Variants in PHF19 observed in about 807,000 individuals in gnomAD.
PHF19 encodes the protein polycomb like 3.
In PHF19, 21 loss-of-function variants were observed where a neutral mutation model predicts 79.8. The ratio of observed to expected loss-of-function variants is 0.26; its 90% confidence interval spans 0.19 to 0.38. The LOEUF is 0.38. PHF19 is among the 10% of genes least tolerant of loss of function. PHF19 has a pLI of 1.00. For missense variants in PHF19, 445 were observed against 744.2 expected, an observed-to-expected ratio of 0.60 and a Z score of 4.68; for synonymous variants, 273 against 296.3, an observed-to-expected ratio of 0.92 and a Z score of 0.81.
At chr9:120,894,335 G>C (rs1456245929) in intron 1 of PHF19, among the ~76,000 whole-genome samples, 1 of 152,234 alleles carries the variant, frequency 6.6e-6, no homozygotes, top group Non-Finnish European at 1.5e-5. Flanking sequence ...AGGGAAAGCT[G>C]ATCTGAAACT....
intron 1 of PHF19, among the ~76,000 whole-genome samples, chr9:120,888,458 C>G (rs1333663151): frequency 1.3e-5 from 2 of 152,182 alleles, no homozygotes; most frequent in Non-Finnish European, 2.9e-5. Context: ...CTGGGTCTAT[C>G]TGCTGTGATA....
rs2045624005 is a variant in PHF19, at chr9:120,864,122, G to A, written c.901-6C>T. Reference sequence around the variant, plus strand: ...GTCACTGGGGTGCTGGTGAGCTGTGGGAGAGCAGGCCAGCAGGACATCAGA... The same window carrying A: ...GTCACTGGGGTGCTGGTGAGCTGTGAGAGAGCAGGCCAGCAGGACATCAGA... On this transcript the variant is annotated splice_polypyrimidine_tract_variant and splice_region_variant and intron_variant, in intron 9 of 14. Coordinates refer to ENST00000373896, the MANE Select transcript of PHF19 (RefSeq NM_015651.3). The A allele has an allele frequency of 6.2e-7, 1 of 1,613,398 alleles. No homozygotes were observed. Among genetic ancestry groups the A allele is most frequent in the Non-Finnish European group, 8.5e-7 (1 of 1,179,586 alleles).
chr9:120,869,043 C>A lies in PHF19; in HGVS notation c.614+139G>T, dbSNP rs2045805401. Reference sequence around the variant, plus strand: ...AGGCCCGCCCCTCGAGGCCCCGCCCCCACAGCGCAACACACTGGGCCCGCC... The same window carrying A: ...AGGCCCGCCCCTCGAGGCCCCGCCCACACAGCGCAACACACTGGGCCCGCC... On this transcript the variant is annotated intron_variant, in intron 6 of 14. Transcript: ENST00000373896. This position sits in a 1 kb window ranked among gnomAD's most constrained non-coding sequence, Gnocchi z 5.8. 1.1e-6 allele frequency: 1 copy of A among 946,854 alleles called. No individual in the cohort carries two copies. Among genetic ancestry groups the A allele is most frequent in the Non-Finnish European group, 1.4e-6 (1 of 694,634 alleles). The allele number at this position is 946,854 out of a possible 1,614,324, so 58.7% of individuals were successfully genotyped here.
At position 120,857,023 on chromosome 9, in the gene PHF19, G is replaced by C. The variant is rs576190256; in HGVS notation, c.*921C>G. The stretch of plus-strand genomic sequence containing the variant: ...GCTGAAAGTACAACACATGTGGATG[G>C]AAGCTTGTGCGAGTGGGTGTGTATT... On this transcript the variant is annotated 3_prime_UTR_variant, in exon 15 of 15. Coordinates refer to ENST00000373896, the MANE Select transcript of PHF19 (RefSeq NM_015651.3). 2.0e-5 allele frequency: 3 copies of C among 152,856 alleles called. No homozygotes were observed. Among genetic ancestry groups the C allele is most frequent in the Non-Finnish European group, 4.4e-5 (3 of 68,346 alleles). 9.5% of individuals were successfully genotyped at this position (152,856 alleles called of 1,614,324 possible). A position where few individuals can be genotyped will look rare whatever the true frequency, so the allele number is the denominator to read the frequency against.
chr9:120,865,770 A>G lies in PHF19; in HGVS notation c.840T>C (p.Phe280=). Residue 280 remains phenylalanine, a synonymous_variant, in exon 9 of 15, where the codon TTT becomes TTC. Coordinates refer to ENST00000373896, the MANE Select transcript of PHF19 (RefSeq NM_015651.3). Reference sequence around the variant, plus strand: ...CAAAGGCCAGAATCTCCTCAAAGTCAAAGTACTTCTTCTTGCTCTGTACCC... The same window carrying G: ...CAAAGGCCAGAATCTCCTCAAAGTCGAAGTACTTCTTCTTGCTCTGTACCC... ...NLGVQSKKKY[F]DFEEILAFVN... 6.2e-7 allele frequency: 1 copy of G among 1,614,148 alleles called. No homozygotes were observed. Among genetic ancestry groups the G allele is most frequent in the East Asian group, 2.2e-5 (1 of 44,888 alleles).
chr9:120,866,050 T>C lies in PHF19; in HGVS notation c.757A>G (p.Ile253Val). 4 of 1,613,890 alleles carry C rather than the reference T, an allele frequency of 2.5e-6. No homozygotes were observed. Among genetic ancestry groups the C allele is most frequent in the Non-Finnish European group, 3.4e-6 (4 of 1,179,894 alleles). The change falls in exon 8 of 15, where the codon ATC becomes GTC. Residue 253 changes from isoleucine (I) to valine (V), a missense_variant. This residue lies in a region of PHF19 where 167 missense variants were observed against 375.8 expected (regional missense o/e 0.44). Transcript: ENST00000373896. The surrounding 1 kb of genome is among the most constrained non-coding windows in gnomAD (Gnocchi z 5.2). ...CSVCNQGPEY[I>V]ERLPLRWVDV... ...CACCATCGCAGGGGCAGCCTCTCGA[T>C]GTACTCTGGGCCCTGGTTACACACG... is the stretch of plus-strand genomic sequence containing the variant.
In PHF19 at chr9:120,869,965, G is replaced by A. The variant is rs769219535; in HGVS notation, c.365-20C>T. On this transcript the variant is annotated intron_variant, in intron 4 of 14. Transcript: ENST00000373896. This position sits in a 1 kb window ranked among gnomAD's most constrained non-coding sequence, Gnocchi z 5.8. ...GGTAACCTACGGCAGAGGAGGGGGC[G>A]GTGAGCGCCCACAAGGACATCGTGG... The A allele has an allele frequency of 4.5e-6, 7 of 1,555,966 alleles. No individual in the cohort carries two copies. The highest frequency in any genetic ancestry group is 2.4e-5 in the East Asian group (1 of 41,884).
chr9:120,883,843 T>C (rs1243924637), intron 1 of PHF19, among the ~76,000 whole-genome samples: 1 of 151,182 alleles, frequency 6.6e-6, no homozygotes, highest in Non-Finnish European at 1.5e-5. Flanking sequence ...TGATAGATAA[T>C]TGTGGGAGGG....
At chr9:120,865,152 C>T (rs1376457977) in intron 9 of PHF19, among the ~76,000 whole-genome samples, 1 of 152,082 alleles carries the variant, frequency 6.6e-6, no homozygotes, top group Non-Finnish European at 1.5e-5. Flanking sequence ...AGAGAAGATG[C>T]CTCACTCTGT....
At chr9:120,889,555 A>G (rs1012361119) in intron 1 of PHF19, among the ~76,000 whole-genome samples, 1 of 152,016 alleles carries the variant, frequency 6.6e-6, no homozygotes, top group African/African-American at 2.4e-5. Context: ...AGCCTGGGCC[A>G]CATGGCGAAA....
upstream of PHF19, among the ~76,000 whole-genome samples, chr9:120,880,710 A>C (rs57574920): frequency 0.01 from 1,561 of 152,364 alleles, 23 homozygotes; most frequent in African/African-American, 0.036. Flanking sequence ...TCTGTATTCC[A>C]GCGCTTTGGG....
At chr9:120,863,680 T>C (rs566265386) in intron 10 of PHF19, among the ~76,000 whole-genome samples, 47 of 152,232 alleles carry the variant, frequency 3.1e-4, no homozygotes, top group African/African-American at 1.1e-3. Context: ...CTGAGAACCC[T>C]GGATGGGAAG....
rs776623277 is a variant in PHF19 at position 120,874,112 on chromosome 9, C to A, written c.187-52G>T. On this transcript the variant is annotated intron_variant, in intron 2 of 14. Transcript: ENST00000373896. The surrounding 1 kb of genome is among the most constrained non-coding windows in gnomAD (Gnocchi z 4.5). ...TGAGAAAGGGCTGGGGAAAAGCCAA[C>A]CTGGAACATAGTCTTCCTCCCCCAT... 4 of 941,480 alleles carry A rather than the reference C, an allele frequency of 4.2e-6. No homozygotes were observed. Among genetic ancestry groups the A allele is most frequent in the East Asian group, 4.8e-5 (2 of 41,616 alleles). The allele number at this position is 941,480 out of a possible 1,614,324, so 58.3% of individuals were successfully genotyped here. A position where few individuals can be genotyped will look rare whatever the true frequency, so the allele number is the denominator to read the frequency against.
At chr9:120,859,062 T>C (rs1050635574) in intron 14 of PHF19, among the ~76,000 whole-genome samples, 1 of 151,988 alleles carries the variant, frequency 6.6e-6, no homozygotes, top group African/African-American at 2.4e-5. Context: ...GAGGTTGCAG[T>C]GAGCTGAGAT....
intron 14 of PHF19, among the ~76,000 whole-genome samples, chr9:120,858,813 A>ACACACACACACT (rs1250951612): frequency 3.0e-3 from 332 of 110,814 alleles, no homozygotes; most frequent in Admixed American, 3.7e-3. Flanking sequence ...GACAGACATC[A>ACACACACACACT]CACACACACA....
At chr9:120,877,538 G>T (rs1243903052), upstream of PHF19, among the ~76,000 whole-genome samples, 1 of 151,926 alleles carries the variant, frequency 6.6e-6, no homozygotes, top group East Asian at 1.9e-4. Context: ...ACACGGAGAC[G>T]CCAGGCAGCG....
chr9:120,863,981 G>A (rs2045617930), intron 10 of PHF19, 68 bp downstream of exon 10: 1 of 1,265,446 alleles, frequency 7.9e-7, no homozygotes, highest in Non-Finnish European at 1.1e-6. Context: ...CTGAGCAAAG[G>A]CTATGAGGTA....
upstream of PHF19, among the ~76,000 whole-genome samples, chr9:120,895,958 A>G (rs768246023): frequency 6.6e-6 from 1 of 152,106 alleles, no homozygotes; most frequent in African/African-American, 2.4e-5. Context: ...TGGCCAAATT[A>G]TACACTTTAA....
chr9:120,877,449 C>T (rs2046101410), upstream of PHF19: 4 of 734,510 alleles, frequency 5.4e-6, no homozygotes, highest in South Asian at 1.2e-4. Context: ...CCGCCCCCGC[C>T]CGCCCCGCGG....
Sources: allele counts gnomAD v4.1 joint callset (sites outside exome capture counted in the v4.1 genomes callset), GRCh38; gene constraint gnomAD v4.1.1; regional missense constraint gnomAD v4.1.1; non-coding constraint Gnocchi (gnomAD v3.1); transcripts MANE v1.5; gene names NCBI Gene and HGNC (gene_info 2026-07-23, HGNC 2026-07-21).